Variants in ME2 observed in about 807,000 individuals in gnomAD.
The protein encoded by ME2 is malic enzyme 2.
In ME2, 60 loss-of-function variants were observed where a neutral mutation model predicts 73.7. The ratio of observed to expected loss-of-function variants is 0.81; its 90% CI spans 0.66 to 1.01. The LOEUF (loss-of-function observed/expected upper bound fraction) is 1.01, where lower values mean the gene tolerates loss of function less well. Ranked by LOEUF, ME2 falls within the 50% of genes least tolerant of loss-of-function variation. The pLI is 0.00. For synonymous variants in ME2, 199 were observed against 236.9 expected, an observed-to-expected ratio of 0.84 and a Z score of 1.47; for missense variants, 594 against 705.5, an observed-to-expected ratio of 0.84 and a Z score of 1.79.
intron 11 of ME2, 122 bp downstream of exon 11, chr18:50,924,334 T>C (rs1917498195): frequency 1.6e-6 from 1 of 637,600 alleles, no homozygotes; most frequent in East Asian, 2.8e-5. Flanking sequence ...ATGTACAATG[T>C]TTTCTGTGAT....
At chr18:50,903,188 T>C (rs1466342841) in intron 2 of ME2, among the ~76,000 whole-genome samples, 2 of 152,214 alleles carry the variant, frequency 1.3e-5, no homozygotes, top group Non-Finnish European at 2.9e-5. Flanking sequence ...TCATTTCTGC[T>C]TAATACTAAA....
At chr18:50,920,872 T>C in intron 9 of ME2, 114 bp downstream of exon 9, 1 of 823,022 alleles carries the variant, frequency 1.2e-6, no homozygotes, top group East Asian at 2.6e-5. Context: ...TTTGTTGAGG[T>C]AGAGGATATG....
chr18:50,905,141 C>A (rs1916989476), intron 2 of ME2, among the ~76,000 whole-genome samples: 1 of 152,112 alleles, frequency 6.6e-6, no homozygotes, highest in Non-Finnish European at 1.5e-5. Context: ...CACATGCCAC[C>A]ACACTCAGCT....
chr18:50,898,557 G>A (rs577315653), intron 2 of ME2, among the ~76,000 whole-genome samples: 19 of 152,068 alleles, frequency 1.2e-4, no homozygotes, highest in South Asian at 1.0e-3. Context: ...TCACCTTCCC[G>A]AGTAGCTGAG....
At chr18:50,911,618 A>C (rs1028409313) in intron 3 of ME2, among the ~76,000 whole-genome samples, 2 of 152,096 alleles carry the variant, frequency 1.3e-5, no homozygotes, top group African/African-American at 4.8e-5. Context: ...AGAGCACGCC[A>C]CCTGAGCTGC....
chr18:50,891,491 A>G (rs1337297866), intron 1 of ME2, among the ~76,000 whole-genome samples: 1 of 152,200 alleles, frequency 6.6e-6, no homozygotes, highest in African/African-American at 2.4e-5. Context: ...AAATTTTCTC[A>G]TAAATACAGC....
intron 3 of ME2, among the ~76,000 whole-genome samples, chr18:50,911,829 A>G (rs545971948): frequency 3.3e-5 from 5 of 152,336 alleles, no homozygotes; most frequent in Non-Finnish European, 1.5e-5. Flanking sequence ...ATTTATTTGG[A>G]AGCGACTTAA....
chr18:50,935,031 G>A (rs1917784588), intron 13 of ME2: 1 of 152,150 alleles, frequency 6.6e-6, no homozygotes, highest in Admixed American at 6.6e-5. Context: ...TCCCACTCTG[G>A]ACTGAAACCC....
At chr18:50,895,979 G>A (rs779902337) in intron 2 of ME2, 51 bp downstream of exon 2, 3 of 1,282,402 alleles carry the variant, frequency 2.3e-6, no homozygotes, top group South Asian at 1.2e-5. Flanking sequence ...ATTAAAGTTT[G>A]ATATATTTAA....
At chr18:50,920,338 G>A in intron 7 of ME2, 118 bp from the exon 8 acceptor site, 1 of 661,638 alleles carries the variant, frequency 1.5e-6, no homozygotes, top group South Asian at 2.1e-5. Flanking sequence ...TTTTCAGATG[G>A]CCTTAATTGA....
intron 15 of ME2, among the ~76,000 whole-genome samples, chr18:50,946,603 C>A (rs1412051754): frequency 6.6e-6 from 1 of 152,124 alleles, no homozygotes; most frequent in Non-Finnish European, 1.5e-5. Context: ...GTGTCTAAAT[C>A]CTGATTTATA....
intron 2 of ME2, among the ~76,000 whole-genome samples, chr18:50,906,573 A>G (rs1353178591): frequency 1.3e-5 from 2 of 152,114 alleles, no homozygotes; most frequent in Non-Finnish European, 2.9e-5. Context: ...TTGGCCTCCC[A>G]AAGTGCTGGG....
intron 1 of ME2, among the ~76,000 whole-genome samples, chr18:50,885,375 G>C (rs904779655): frequency 1.3e-5 from 2 of 151,998 alleles, no homozygotes; most frequent in East Asian, 1.9e-4. Context: ...AAAATTAGCC[G>C]GGCACAGTGG....
Position 50,939,654 on chromosome 18 carries a change from A to G in ME2, c.1488+14A>G. The G allele has an allele frequency of 6.4e-7, 1 of 1,561,356 alleles. No individual in the cohort carries two copies. Among genetic ancestry groups the G allele is most frequent in the Non-Finnish European group, 8.8e-7 (1 of 1,132,880 alleles). On this transcript the variant is annotated intron_variant, in intron 14 of 15. Coordinates refer to ENST00000321341, the MANE Select transcript of ME2 (RefSeq NM_002396.5). ...GAAGCTGCAAAGGTAAATGTTTTAA[A>G]TGTTGTTTATTTTATAAAGGATGAA... is the stretch of plus-strand genomic sequence containing the variant.
chr18:50,890,555 A>C (rs1372086455), intron 1 of ME2, among the ~76,000 whole-genome samples: 1 of 152,120 alleles, frequency 6.6e-6, no homozygotes, highest in African/African-American at 2.4e-5. Flanking sequence ...TTCTTCCCCA[A>C]CTTGTTTTAT....
At chr18:50,905,143 C>T (rs1216874012) in intron 2 of ME2, among the ~76,000 whole-genome samples, 1 of 152,090 alleles carries the variant, frequency 6.6e-6, no homozygotes, top group African/African-American at 2.4e-5. Context: ...CATGCCACCA[C>T]ACTCAGCTAA....
chr18:50,936,236 A>G (rs1231299542), intron 13 of ME2, among the ~76,000 whole-genome samples: 1 of 152,220 alleles, frequency 6.6e-6, no homozygotes, highest in South Asian at 2.1e-4. Flanking sequence ...CTTATGGGAA[A>G]TACTTGCCAA....
In ME2 at chr18:50,921,002, C is replaced by A. The variant is rs141732337; in HGVS notation, c.943-72C>A. The A allele has an allele frequency of 4.9e-5, 38 of 778,130 alleles. No homozygotes were observed. The Middle Eastern group carries it at 7.2e-4, about 15-fold the overall frequency. 48.2% of individuals were successfully genotyped at this position (778,130 alleles called of 1,614,324 possible). Reference sequence around the variant, plus strand: ...CCAAATATTTCTTATGGCATATAATCTTCATATATAAAGTAATTCAAGCAT... The same window carrying A: ...CCAAATATTTCTTATGGCATATAATATTCATATATAAAGTAATTCAAGCAT... On this transcript the variant is annotated intron_variant, in intron 9 of 15. Coordinates refer to ENST00000321341, the MANE Select transcript of ME2 (RefSeq NM_002396.5).
At chr18:50,939,775 G>A in intron 14 of ME2, 135 bp downstream of exon 14, 1 of 620,020 alleles carries the variant, frequency 1.6e-6, no homozygotes, top group Non-Finnish European at 2.8e-6. Flanking sequence ...TTACTTTTAT[G>A]ATTTGCCTAT....
Sources: allele counts gnomAD v4.1 joint callset (sites outside exome capture counted in the v4.1 genomes callset), GRCh38; gene constraint gnomAD v4.1.1; transcripts MANE v1.5; gene names NCBI Gene and HGNC (gene_info 2026-07-23, HGNC 2026-07-21).